Variants in C10orf67 observed in about 807,000 individuals in gnomAD.
The protein encoded by C10orf67 is chromosome 10 open reading frame 67.
Under a neutral mutation model 35.6 loss-of-function variants are expected in C10orf67, and 60 were observed. The ratio of observed to expected loss-of-function variants is 1.68; its 90% confidence interval spans 1.37 to 2.09. The LOEUF (loss-of-function observed/expected upper bound fraction) is 2.09. Among genes scored for constraint, C10orf67 ranks in the 30% most tolerant of loss-of-function variants. C10orf67 has a pLI of 0.00. For synonymous variants in C10orf67, 167 were observed against 115.8 expected (o/e 1.44, Z -2.84); for missense variants, 474 against 330.2 (o/e 1.44, Z -3.38).
At chr10:23,268,463 A>G (rs1442231351) in intron 8 of C10orf67, among the ~76,000 whole-genome samples, 9 of 152,212 alleles carry the variant, frequency 5.9e-5, no homozygotes, top group Admixed American at 5.9e-4. Flanking sequence ...AATGATGAGA[A>G]ACACATCTAA....
At chr10:23,316,011 C>A (rs1844694193) in intron 4 of C10orf67, among the ~76,000 whole-genome samples, 1 of 152,110 alleles carries the variant, frequency 6.6e-6, no homozygotes, top group Admixed American at 6.6e-5. Context: ...GCTTTGCCAG[C>A]CAGAAACCTC....
chr10:23,332,787 T>C (rs551668448), intron 2 of C10orf67, among the ~76,000 whole-genome samples: 2 of 152,348 alleles, frequency 1.3e-5, no homozygotes, highest in African/African-American at 4.8e-5. Flanking sequence ...GATAATTTTT[T>C]AAAGTGTCAT....
Position 23,266,273 on chromosome 10 carries a change from C to T in C10orf67, c.1189G>A (p.Asp397Asn), listed in dbSNP as rs1842881420. 1 of 398,510 alleles carries T rather than the reference C, an allele frequency of 2.5e-6. No homozygotes were observed. The highest frequency in any genetic ancestry group is 4.4e-6 in the Non-Finnish European group (1 of 226,124). The allele number at this position is 398,510 out of a possible 1,614,324, so 24.7% of individuals were successfully genotyped here. A position where few individuals can be genotyped will look rare whatever the true frequency, so the allele number is the denominator to read the frequency against. The change falls in exon 10 of 16, where the codon GAC becomes AAC. Residue 397 changes from aspartate (D) to asparagine (N), a missense_variant. Asp to Asn is a conservative substitution (Grantham distance 23). Coordinates refer to ENST00000636213, the MANE Select transcript of C10orf67 (RefSeq NM_001371909.1). ...GAAGCAGTTCTTACCACAGCTTGGT[C>T]TTCCTTTAAAGCCTTCTTTGGCATT... Reference protein sequence around the residue: ...AKMPKKALKEDQAVVEDKHGL... With the variant: ...AKMPKKALKENQAVVEDKHGL...
At chr10:23,312,604 G>A (rs1844540649) in intron 4 of C10orf67, among the ~76,000 whole-genome samples, 1 of 151,774 alleles carries the variant, frequency 6.6e-6, no homozygotes, top group African/African-American at 2.4e-5. Context: ...TCCATAGACA[G>A]AACTAGGATA....
In C10orf67 at chr10:23,333,131, G is replaced by T; in HGVS notation, c.258C>A (p.Ala86=). ...LKIGFFSTDH[A]TQTDSSEILS... is the part of the protein sequence containing the mutation. ...GTATTTCACTGGAATCAGTTTGAGT[G>T]GCATGGTCTGTGCTGAAAAAGCCAA... The change falls in exon 2 of 16, where the codon GCC becomes GCA. Residue 86 remains alanine, a synonymous_variant. Transcript: ENST00000636213. 1 of 1,609,808 alleles carries T rather than the reference G, an allele frequency of 6.2e-7. No individual in the cohort carries two copies.
chr10:23,267,158 A>C (rs1287480220), intron 9 of C10orf67, 37 bp downstream of exon 9: 3 of 696,938 alleles, frequency 4.3e-6, no homozygotes, highest in Admixed American at 4.6e-5. Context: ...GCACAAAATA[A>C]AAGAGAAAGA....
intron 13 of C10orf67, among the ~76,000 whole-genome samples, chr10:23,225,776 C>T (rs11013336): frequency 0.19 from 28,970 of 152,050 alleles, 3,015 homozygotes; most frequent in Admixed American, 0.29. Context: ...ACAAAGCAGG[C>T]CATTACGTAA....
In C10orf67 at chr10:23,281,649, CT is replaced by C. The variant is rs547161136; in HGVS notation, c.975+363del. Among the ~76,000 whole-genome samples, 137 of 152,254 alleles carry C rather than the reference CT, an allele frequency of 9.0e-4. 1 individual carries two copies. The highest frequency in any genetic ancestry group is 3.1e-3 in the African/African-American group (130 of 41,562). On this transcript the variant is annotated intron_variant, in intron 8 of 15. Transcript: ENST00000636213. ...GAATGCCAAAATATCTAGCTGGGCT[CT>C]TTTTTTATTGTCACTTATGGCAATT...
Position 23,252,265 on chromosome 10 carries a change from T to C in C10orf67, c.1201-1574A>G, listed in dbSNP as rs117854116. ...TTATTCAGCCTGCCTATTGCCTTTTTTTCAAAGTTTTATTTGTTCCTTTTA... is the reference window on the plus strand; with the variant it reads ...TTATTCAGCCTGCCTATTGCCTTTTCTTCAAAGTTTTATTTGTTCCTTTTA... On this transcript the variant is annotated intron_variant, in intron 10 of 15. Coordinates refer to ENST00000636213, the MANE Select transcript of C10orf67 (RefSeq NM_001371909.1). Among the ~76,000 whole-genome samples, 799 of 152,348 alleles carry C rather than the reference T, an allele frequency of 5.2e-3. 4 individuals are homozygous for C. Among genetic ancestry groups the C allele is most frequent in the Admixed American group, 7.7e-3 (118 of 15,308 alleles).
chr10:23,291,178 C>T lies in C10orf67; in HGVS notation c.804G>A (p.Glu268=). The change falls in exon 6 of 16, where the codon GAG becomes GAA. Residue 268 remains glutamate, a synonymous_variant. Transcript: ENST00000636213. ...ENERLLQIIS[E]LEEEIQINLK... ...GATTGATCTGGATTTCTTCTTCAAG[C>T]TCTGAAATGATCTGAAGCAGCCTCT... is the stretch of plus-strand genomic sequence containing the variant. 1 of 716,484 alleles carries T rather than the reference C, an allele frequency of 1.4e-6. No homozygotes were observed. 44.4% of individuals were successfully genotyped at this position (716,484 alleles called of 1,614,324 possible).
chr10:23,235,292 A>G (rs759612083), intron 13 of C10orf67, among the ~76,000 whole-genome samples: 28 of 152,218 alleles, frequency 1.8e-4, no homozygotes, highest in Admixed American at 7.8e-4. Context: ...ACAGACACAG[A>G]GAATACAATC....
At chr10:23,326,507 C>T (rs1276990567) in intron 2 of C10orf67, among the ~76,000 whole-genome samples, 1 of 151,852 alleles carries the variant, frequency 6.6e-6, no homozygotes, top group Non-Finnish European at 1.5e-5. Context: ...GTTTTTTAGG[C>T]TAAAGAGAAA....
At chr10:23,245,897 C>A (rs2132149011) in intron 12 of C10orf67, among the ~76,000 whole-genome samples, 1 of 152,296 alleles carries the variant, frequency 6.6e-6, no homozygotes. Context: ...AGGACACATG[C>A]ACATGCATGT....
At chr10:23,211,325 T>C (rs1175437038) in intron 15 of C10orf67, among the ~76,000 whole-genome samples, 2 of 152,250 alleles carry the variant, frequency 1.3e-5, no homozygotes, top group African/African-American at 4.8e-5. Context: ...GTTCCTCTTA[T>C]GACACTAGTT....
intron 8 of C10orf67, among the ~76,000 whole-genome samples, chr10:23,280,516 T>A (rs1411505506): frequency 6.6e-6 from 1 of 152,102 alleles, no homozygotes; most frequent in African/African-American, 2.4e-5. Flanking sequence ...CCAAAGCAGG[T>A]ATGCAATGGA....
intron 6 of C10orf67, 123 bp from the exon 7 acceptor site, chr10:23,290,081 G>A (rs554251103): frequency 1.6e-6 from 1 of 616,890 alleles, no homozygotes; most frequent in South Asian, 2.1e-5. Context: ...AGGCCTAGCA[G>A]GACTGTGACC....
chr10:23,318,722 C>A (rs1455065076), intron 4 of C10orf67: 3 of 593,296 alleles, frequency 5.1e-6, no homozygotes, highest in Admixed American at 2.9e-5. Context: ...TTTTCAGCTG[C>A]AAGTAACTGA....
At chr10:23,306,229 G>T (rs1404441851) in intron 4 of C10orf67, among the ~76,000 whole-genome samples, 1 of 152,086 alleles carries the variant, frequency 6.6e-6, no homozygotes, top group Non-Finnish European at 1.5e-5. Context: ...GCAGGGAGTA[G>T]AACGGTGGTT....
chr10:23,335,453 G>T (rs1014849096), intron 1 of C10orf67, among the ~76,000 whole-genome samples: 4 of 152,272 alleles, frequency 2.6e-5, no homozygotes, highest in East Asian at 1.9e-4. Flanking sequence ...CTTACTGTGA[G>T]AATTTAGTGT....
Sources: allele counts gnomAD v4.1 joint callset (sites outside exome capture counted in the v4.1 genomes callset), GRCh38; gene constraint gnomAD v4.1.1; transcripts MANE v1.5; gene names NCBI Gene and HGNC (gene_info 2026-07-23, HGNC 2026-07-21).